Variants in GRID1 observed in about 807,000 individuals in gnomAD.
GRID1 encodes glutamate ionotropic receptor delta type subunit 1, also known as glutamate receptor ionotropic, delta-1.
Under a neutral mutation model 98.0 loss-of-function variants are expected in GRID1, and 28 were observed. That is an observed-to-expected ratio of 0.29 (90% confidence interval 0.21 to 0.39). The LOEUF (loss-of-function observed/expected upper bound fraction) is 0.39, where lower values mean the gene tolerates loss of function less well. GRID1 is among the 10% of genes least tolerant of loss of function. GRID1 has a pLI of 1.00. For synonymous variants in GRID1, 553 were observed against 538.5 expected, an observed-to-expected ratio of 1.03 and a Z score of -0.37; for missense variants, 1,111 against 1,340.5, an observed-to-expected ratio of 0.83 and a Z score of 2.67.
intron 2 of GRID1, among the ~76,000 whole-genome samples, chr10:86,343,243 T>C (rs1245712941): frequency 1.3e-5 from 2 of 152,238 alleles, no homozygotes; most frequent in Non-Finnish European, 2.9e-5. Context: ...TTTCTGGATT[T>C]CTATATATAA....
chr10:85,740,586 T>A (rs1841930897), intron 8 of GRID1, among the ~76,000 whole-genome samples: 1 of 152,056 alleles, frequency 6.6e-6, no homozygotes, highest in African/African-American at 2.4e-5. Context: ...CTCCTACTCA[T>A]CCTTTCAATA....
intron 12 of GRID1, among the ~76,000 whole-genome samples, chr10:85,676,233 C>G (rs181405508): frequency 5.7e-4 from 87 of 152,262 alleles, no homozygotes; most frequent in Non-Finnish European, 9.3e-4. Flanking sequence ...GGCAAGGACA[C>G]TGCCCTCCAT....
At chr10:85,704,029 A>C (rs1023158763) in intron 12 of GRID1, among the ~76,000 whole-genome samples, 1 of 152,104 alleles carries the variant, frequency 6.6e-6, no homozygotes, top group Non-Finnish European at 1.5e-5. Context: ...GTTGAAAATT[A>C]TTTTCTTTAA....
Position 85,786,373 on chromosome 10 carries a change from C to T in GRID1, c.1234-56759G>A, listed in dbSNP as rs192068152. On this transcript the variant is annotated intron_variant, in intron 8 of 15. Coordinates refer to ENST00000327946, the MANE Select transcript of GRID1 (RefSeq NM_017551.3). ...GTTTGTAGCAGCTGCCATGCTGGCT[C>T]TAGGATTCAAGATAACCTGTTCCGA... Among the ~76,000 whole-genome samples, 127 of 152,320 alleles carry T rather than the reference C, an allele frequency of 8.3e-4. 1 individual carries two copies. In the Middle Eastern group the frequency reaches 0.027, roughly 33 times the overall value.
chr10:86,047,125 C>T (rs1428291189), intron 4 of GRID1, among the ~76,000 whole-genome samples: 1 of 152,258 alleles, frequency 6.6e-6, no homozygotes, highest in Non-Finnish European at 1.5e-5. Context: ...GTTAAGCTCA[C>T]TGAAGTCTCA....
intron 4 of GRID1, among the ~76,000 whole-genome samples, chr10:85,948,492 A>T (rs1292297238): frequency 6.6e-6 from 1 of 152,216 alleles, no homozygotes. Flanking sequence ...TTGGTTTTTT[A>T]AAAATTGAAA....
Position 85,612,734 on chromosome 10 carries a change from G to GA in GRID1, c.2601+672dup, listed in dbSNP as rs11296422. Among the ~76,000 whole-genome samples the GA allele has an allele frequency of 4.9e-3, 684 of 139,026 alleles. 1 individual carries two copies. Among genetic ancestry groups the GA allele is most frequent in the Middle Eastern group, 7.4e-3 (2 of 272 alleles). The allele number at this position is 139,026 out of a possible 152,430, so 91.2% of individuals were successfully genotyped here. ...GGACCTTGGTGAAGGCTTTATTTCA[G>GA]AAAAAAAAAAAAATTTAAAAAAGAG... On this transcript the variant is annotated intron_variant, in intron 15 of 15. Coordinates refer to ENST00000327946, the MANE Select transcript of GRID1 (RefSeq NM_017551.3).
chr10:85,990,351 T>A (rs1029217849), intron 4 of GRID1, among the ~76,000 whole-genome samples: 1 of 152,170 alleles, frequency 6.6e-6, no homozygotes, highest in African/African-American at 2.4e-5. Context: ...ATCAGTGGCC[T>A]AACAGATGCA....
intron 12 of GRID1, among the ~76,000 whole-genome samples, chr10:85,671,258 T>C (rs960196785): frequency 1.6e-4 from 24 of 152,228 alleles, no homozygotes; most frequent in Admixed American, 3.9e-4. Flanking sequence ...TTCTTACAAA[T>C]TGAAGACCTG....
At chr10:85,923,702 A>G (rs1387539101) in intron 4 of GRID1, among the ~76,000 whole-genome samples, 1 of 152,180 alleles carries the variant, frequency 6.6e-6, no homozygotes, top group Non-Finnish European at 1.5e-5. Context: ...GGCCTTTCCA[A>G]TGCAAAACCC....
chr10:86,113,181 A>T (rs1844515475), intron 4 of GRID1, among the ~76,000 whole-genome samples: 1 of 152,228 alleles, frequency 6.6e-6, no homozygotes, highest in Non-Finnish European at 1.5e-5. Flanking sequence ...GAAATGGGTC[A>T]TGTCATTGCC....
At chr10:85,818,319 T>TAC (rs368503663) in intron 8 of GRID1, among the ~76,000 whole-genome samples, 2 of 151,224 alleles carry the variant, frequency 1.3e-5, no homozygotes, top group African/African-American at 4.9e-5. Flanking sequence ...AATATACATC[T>TAC]ACACACACAC....
intron 8 of GRID1, among the ~76,000 whole-genome samples, chr10:85,736,576 C>T (rs1490109230): frequency 6.6e-6 from 1 of 152,144 alleles, no homozygotes. Flanking sequence ...ATGGCCCCAG[C>T]CTCAATGATG....
intron 8 of GRID1, among the ~76,000 whole-genome samples, chr10:85,819,226 G>A (rs1842740885): frequency 6.6e-6 from 1 of 152,176 alleles, no homozygotes; most frequent in African/African-American, 2.4e-5. Flanking sequence ...CTGCATGCAG[G>A]ATTCGCTGAT....
At chr10:85,997,953 A>G (rs1015952151) in intron 4 of GRID1, among the ~76,000 whole-genome samples, 2 of 152,250 alleles carry the variant, frequency 1.3e-5, no homozygotes, top group Non-Finnish European at 2.9e-5. Context: ...ATCAGAGCAA[A>G]GAAGATTATA....
At chr10:85,765,586 T>G (rs1050154580) in intron 8 of GRID1, among the ~76,000 whole-genome samples, 10 of 152,300 alleles carry the variant, frequency 6.6e-5, no homozygotes, top group African/African-American at 2.4e-4. Flanking sequence ...ATTTATGATA[T>G]TCTATAAAAT....
intron 12 of GRID1, among the ~76,000 whole-genome samples, chr10:85,666,847 T>A (rs1841024911): frequency 6.6e-6 from 1 of 152,042 alleles, no homozygotes; most frequent in Admixed American, 6.6e-5. Flanking sequence ...GGTGCAGGTG[T>A]CCCCATCCAC....
chr10:85,637,270 T>C (rs1017846547), intron 13 of GRID1, among the ~76,000 whole-genome samples: 1 of 152,260 alleles, frequency 6.6e-6, no homozygotes, highest in Admixed American at 6.5e-5. Context: ...TTTAAACTTT[T>C]CTTAATGGGA....
intron 4 of GRID1, among the ~76,000 whole-genome samples, chr10:86,120,540 A>G (rs973645953): frequency 7.2e-5 from 11 of 152,162 alleles, no homozygotes; most frequent in African/African-American, 2.7e-4. Context: ...ATGACTTTGG[A>G]AAAAAAGGGT....
Sources: gnomAD v4.1 joint callset for allele counts (sites outside exome capture counted in the v4.1 genomes callset) on GRCh38, gnomAD v4.1.1 for gene constraint, MANE v1.5 for transcripts, NCBI Gene and HGNC (gene_info 2026-07-23, HGNC 2026-07-21) for gene names.